IQGAP1: variants seen among roughly 807,000 people sequenced by gnomAD.
The protein encoded by IQGAP1 is ras GTPase-activating-like protein IQGAP1.
In IQGAP1, 66 loss-of-function variants were observed where a neutral mutation model predicts 215.6. That is an observed-to-expected ratio of 0.31 (90% CI 0.25 to 0.38). The LOEUF (loss-of-function observed/expected upper bound fraction) is 0.38. Ranked by LOEUF, IQGAP1 falls within the 10% of genes least tolerant of loss-of-function variation. The probability of loss-of-function intolerance (pLI) is 1.00; values close to 1 mark genes in which losing one functional copy is unlikely to be tolerated. For missense variants in IQGAP1, 1,712 were observed against 1,997.1 expected, an observed-to-expected ratio of 0.86 and a Z score of 2.72; for synonymous variants, 772 against 728.7, an observed-to-expected ratio of 1.06 and a Z score of -0.96.
rs747502677 is a variant in IQGAP1, at chr15:90,426,208, T to A, written c.254T>A (p.Phe85Tyr). ...GVYLAKLGNF[F>Y]SPKVVSLKKI... The stretch of plus-strand genomic sequence containing the variant: ...TACCTTGCCAAACTGGGGAACTTCT[T>A]CTCTCCCAAAGTAGTGTCCCTGAAA... Residue 85 changes from phenylalanine (F) to tyrosine (Y), a missense_variant, in exon 3 of 38, where the codon TTC becomes TAC. Phe to Tyr is a conservative substitution (Grantham distance 22). Around this residue, in one of 2 missense-constraint regions of IQGAP1, gnomAD observed 1,021 missense variants for 1,074.2 expected, o/e 0.95. Coordinates refer to ENST00000268182, the MANE Select transcript of IQGAP1 (RefSeq NM_003870.4). 4 of 1,603,356 alleles carry A rather than the reference T, an allele frequency of 2.5e-6. No homozygotes were observed. Among genetic ancestry groups the A allele is most frequent in the Non-Finnish European group, 3.4e-6 (4 of 1,176,590 alleles).
intron 2 of IQGAP1, among the ~76,000 whole-genome samples, chr15:90,392,748 C>CTTTTTTTTTTTTTTTTTTTTT (rs10701656): frequency 1.7e-5 from 2 of 117,826 alleles, no homozygotes; most frequent in African/African-American, 3.5e-5. Flanking sequence ...ATGTTTCTAT[C>CTTTTTTTTTTTTTTTTTTTTT]TTTTTTTTTT....
intron 2 of IQGAP1, among the ~76,000 whole-genome samples, chr15:90,409,958 T>G (rs528515925): frequency 5.9e-5 from 9 of 152,348 alleles, no homozygotes; most frequent in African/African-American, 2.2e-4. Context: ...TTTTGAGAAG[T>G]GTCTGTTCAT....
At chr15:90,456,988 A>AT (rs1965693371) in intron 15 of IQGAP1, among the ~76,000 whole-genome samples, 3 of 122,628 alleles carry the variant, frequency 2.4e-5, no homozygotes, top group South Asian at 4.9e-4. Context: ...CCAGAAAAAA[A>AT]AATATATATA....
At chr15:90,464,292 TCTG>T (rs1380729543) in intron 15 of IQGAP1, among the ~76,000 whole-genome samples, 3 of 152,118 alleles carry the variant, frequency 2.0e-5, no homozygotes, top group Non-Finnish European at 4.4e-5. Context: ...GCCCCAGTAA[TCTG>T]CTGAATTGAT....
At position 90,439,328 on chromosome 15, in the gene IQGAP1, C is replaced by G. The variant is rs1337496440; in HGVS notation, c.468-4C>G. ...CCTAACCTTTTGCATATTGTATCTT[C>G]TAGTTTGTACCTGTTCAAGCTAGGC... On this transcript the variant is annotated splice_region_variant and splice_polypyrimidine_tract_variant and intron_variant, in intron 5 of 37. Coordinates refer to ENST00000268182, the MANE Select transcript of IQGAP1 (RefSeq NM_003870.4). 2.5e-6 allele frequency: 4 copies of G among 1,611,998 alleles called. No homozygotes were observed. Among genetic ancestry groups the G allele is most frequent in the Admixed American group, 1.7e-5 (1 of 59,860 alleles).
At chr15:90,436,135 T>A (rs953678950) in intron 5 of IQGAP1, among the ~76,000 whole-genome samples, 1 of 151,582 alleles carries the variant, frequency 6.6e-6, no homozygotes, top group Admixed American at 6.6e-5. Context: ...TTAATCATAC[T>A]AAATTACTTT....
intron 14 of IQGAP1, among the ~76,000 whole-genome samples, chr15:90,455,383 A>G (rs902576284): frequency 4.6e-5 from 7 of 152,104 alleles, no homozygotes; most frequent in Non-Finnish European, 1.0e-4. Context: ...TTAAACTCTC[A>G]TGAGGCCAAC....
chr15:90,420,090 G>T (rs768299184), intron 2 of IQGAP1, among the ~76,000 whole-genome samples: 5 of 152,074 alleles, frequency 3.3e-5, no homozygotes, highest in Admixed American at 6.6e-5. Context: ...GAAGGAGCTG[G>T]AATCATTTTA....
At chr15:90,439,515 A>G (rs1317208325) in intron 6 of IQGAP1, 116 bp downstream of exon 6, 6 of 658,024 alleles carry the variant, frequency 9.1e-6, no homozygotes, top group Non-Finnish European at 1.5e-5. Context: ...AGTGGAGGTG[A>G]AAAAAATACG....
At position 90,500,133 on chromosome 15, in the gene IQGAP1, A is replaced by C; in HGVS notation, c.*25A>C. 1 of 1,347,694 alleles carries C rather than the reference A, an allele frequency of 7.4e-7. No homozygotes were observed. Among genetic ancestry groups the C allele is most frequent in the Admixed American group, 1.7e-5 (1 of 59,448 alleles). 83.5% of individuals were successfully genotyped at this position (1,347,694 alleles called of 1,614,324 possible). ...ATTGATCGTTTGCTGCCAGCCCAGA[A>C]GGATGAAGGAAAGAAGCACCTCACA... On this transcript the variant is annotated 3_prime_UTR_variant, in exon 38 of 38. Transcript: ENST00000268182.
At chr15:90,417,071 A>G (rs1437488615) in intron 2 of IQGAP1, among the ~76,000 whole-genome samples, 2 of 151,966 alleles carry the variant, frequency 1.3e-5, no homozygotes. Context: ...TGTTTCTTTT[A>G]AATTTGTTTG....
At chr15:90,453,927 G>A (rs554355147) in intron 13 of IQGAP1, among the ~76,000 whole-genome samples, 2 of 152,300 alleles carry the variant, frequency 1.3e-5, no homozygotes, top group South Asian at 4.1e-4. Context: ...GAGATACTAA[G>A]ATTGATCCCT....
At chr15:90,398,068 G>A (rs1357475209) in intron 2 of IQGAP1, among the ~76,000 whole-genome samples, 2 of 150,494 alleles carry the variant, frequency 1.3e-5, no homozygotes, top group Non-Finnish European at 3.0e-5. Context: ...ATTTTTTAGT[G>A]GAGACGGGGG....
chr15:90,395,405 C>CCCAGGTTAA (rs776150488), intron 2 of IQGAP1, among the ~76,000 whole-genome samples: 8 of 152,116 alleles, frequency 5.3e-5, no homozygotes, highest in Non-Finnish European at 1.0e-4. Flanking sequence ...ACTGCAAGCT[C>CCCAGGTTAA]CGCCTCCCAG....
At chr15:90,499,474 A>G (rs558327812) in intron 37 of IQGAP1, among the ~76,000 whole-genome samples, 2 of 152,352 alleles carry the variant, frequency 1.3e-5, no homozygotes, top group South Asian at 4.1e-4. Context: ...TTCGGGATAG[A>G]AAGTGTTCTC....
In IQGAP1 at chr15:90,394,338, G is replaced by C. The variant is rs568283847; in HGVS notation, c.155+3465G>C. Reference sequence around the variant, plus strand: ...GTGGTGATTTTTGTTGTTGTTTAAGGCTTTGATTTTAAAAAATCAAGGTTG... The same window carrying C: ...GTGGTGATTTTTGTTGTTGTTTAAGCCTTTGATTTTAAAAAATCAAGGTTG... On this transcript the variant is annotated intron_variant, in intron 2 of 37. Coordinates refer to ENST00000268182, the MANE Select transcript of IQGAP1 (RefSeq NM_003870.4). 2.0e-5 allele frequency among the ~76,000 whole-genome samples: 3 copies of C among 152,086 alleles called. No individual in the cohort carries two copies. The East Asian group carries it at 5.8e-4, about 29-fold the overall frequency.
At chr15:90,427,436 G>A (rs1460979920) in intron 3 of IQGAP1, among the ~76,000 whole-genome samples, 24 of 152,102 alleles carry the variant, frequency 1.6e-4, no homozygotes, top group Admixed American at 1.6e-3. Context: ...AAGACTGACT[G>A]CTTAATTAAG....
At chr15:90,495,384 A>T (rs540324210) in intron 36 of IQGAP1, among the ~76,000 whole-genome samples, 1 of 107,976 alleles carries the variant, frequency 9.3e-6, no homozygotes, top group Non-Finnish European at 1.9e-5. Flanking sequence ...TTAGGGGGGG[A>T]AAAAAAACAA....
At chr15:90,445,465 G>A (rs1965514044) in intron 9 of IQGAP1, among the ~76,000 whole-genome samples, 1 of 152,040 alleles carries the variant, frequency 6.6e-6, no homozygotes, top group African/African-American at 2.4e-5. Context: ...CAAATCTCCT[G>A]TGTCGTACAC....
Sources: allele counts gnomAD v4.1 joint callset (sites outside exome capture counted in the v4.1 genomes callset), GRCh38; gene constraint gnomAD v4.1.1; regional missense constraint gnomAD v4.1.1; transcripts MANE v1.5; gene names NCBI Gene and HGNC (gene_info 2026-07-23, HGNC 2026-07-21).